ZNF415: variants seen among roughly 807,000 people sequenced by gnomAD.
The protein encoded by ZNF415 is zinc finger protein 415.
A neutral mutation model predicts 7.3 loss-of-function variants in ZNF415; 5 were observed. That is an observed-to-expected ratio of 0.69 (90% CI 0.36 to 1.44). ZNF415 has a LOEUF of 1.44. Among genes scored for constraint, ZNF415 ranks in the 40% most tolerant of loss-of-function variants. ZNF415 has a pLI of 0.04. For missense variants in ZNF415, 628 were observed against 664.8 expected, an observed-to-expected ratio of 0.94 and a Z score of 0.61; for synonymous variants, 207 against 226.3, an observed-to-expected ratio of 0.91 and a Z score of 0.77.
intron 1 of ZNF415, among the ~76,000 whole-genome samples, chr19:53,131,692 C>G (rs2090096454): frequency 6.6e-6 from 1 of 152,078 alleles, no homozygotes; most frequent in African/African-American, 2.4e-5. Context: ...TCTATTCTTT[C>G]TCTTCCACTT....
intron 2 of ZNF415, among the ~76,000 whole-genome samples, chr19:53,118,446 A>T (rs2087406862): frequency 6.6e-6 from 1 of 152,218 alleles, no homozygotes; most frequent in Admixed American, 6.5e-5. Flanking sequence ...GACTAAACAG[A>T]TCTAAGAGAT....
At chr19:53,120,234 A>G (rs994150974) in intron 2 of ZNF415, among the ~76,000 whole-genome samples, 3 of 152,234 alleles carry the variant, frequency 2.0e-5, no homozygotes, top group African/African-American at 7.2e-5. Context: ...ATCATTACAC[A>G]TTCTATGACA....
chr19:53,115,389 AC>A, intron 3 of ZNF415: 1 of 321,504 alleles, frequency 3.1e-6, no homozygotes, highest in Non-Finnish European at 5.8e-6. Flanking sequence ...GGAGAAGTAG[AC>A]CCTTGTGATG....
At chr19:53,116,088 G>T in intron 3 of ZNF415, 1 of 620,008 alleles carries the variant, frequency 1.6e-6, no homozygotes, top group Non-Finnish European at 2.8e-6. Flanking sequence ...AAGCTTTCAT[G>T]GATACTTCAG....
Position 53,108,305 on chromosome 19 carries a change from G to C in ZNF415, c.*72C>G. ...AAACCTTGCCACATTTATTATACTTGTATGGTTTCTCTCTGATATAAATTC... is the reference window on the plus strand; with the variant it reads ...AAACCTTGCCACATTTATTATACTTCTATGGTTTCTCTCTGATATAAATTC... On this transcript the variant is annotated 3_prime_UTR_variant, in exon 4 of 4. Coordinates refer to ENST00000243643, the MANE Select transcript of ZNF415 (RefSeq NM_018355.4). 1 of 1,416,194 alleles carries C rather than the reference G, an allele frequency of 7.1e-7. No homozygotes were observed. Among genetic ancestry groups the C allele is most frequent in the South Asian group, 1.4e-5 (1 of 72,000 alleles). The allele number at this position is 1,416,194 out of a possible 1,614,324, so 87.7% of individuals were successfully genotyped here. A position where few individuals can be genotyped will look rare whatever the true frequency, so the allele number is the denominator to read the frequency against.
intron 1 of ZNF415, among the ~76,000 whole-genome samples, chr19:53,131,091 T>A (rs12977077): frequency 0.035 from 2,724 of 77,234 alleles, 54 homozygotes; most frequent in East Asian, 0.13. Flanking sequence ...TTTTTTTTTT[T>A]AGCTCATCAG....
Position 53,116,443 on chromosome 19 carries a change from A to G in ZNF415, c.16-10T>C, listed in dbSNP as rs1476177766. 6.2e-7 allele frequency: 1 copy of G among 1,613,952 alleles called. No homozygotes were observed. The highest frequency in any genetic ancestry group is 1.3e-5 in the African/African-American group (1 of 74,912). On this transcript the variant is annotated splice_polypyrimidine_tract_variant and intron_variant, in intron 2 of 3. Transcript: ENST00000243643. ...CGTCCCTGAATGTCAACTGTCCGTA[A>G]AATAATAAACACATTTCACCAAGAG...
intron 1 of ZNF415, among the ~76,000 whole-genome samples, chr19:53,130,533 C>A (rs183647334): frequency 6.6e-6 from 1 of 152,054 alleles, no homozygotes; most frequent in East Asian, 1.9e-4. Context: ...TAATTATATA[C>A]AGAAAAATAG....
intron 3 of ZNF415, 183 bp downstream of exon 3, chr19:53,116,130 G>T (rs2086974353): frequency 1.4e-6 from 1 of 706,464 alleles, no homozygotes. Flanking sequence ...ATCATGAAGG[G>T]GTCAGAAAAT....
At chr19:53,128,705 T>C (rs1205074849) in intron 1 of ZNF415, among the ~76,000 whole-genome samples, 1 of 115,984 alleles carries the variant, frequency 8.6e-6, no homozygotes, top group African/African-American at 3.0e-5. Context: ...CAGTGAGGCC[T>C]TCTGCTCTTA....
chr19:53,115,707 T>C (rs1364475657), intron 3 of ZNF415: 1 of 1,550,306 alleles, frequency 6.5e-7, no homozygotes, highest in Admixed American at 2.0e-5. Flanking sequence ...GTCTTACCTG[T>C]TTTCACACCT....
At chr19:53,128,071 T>C (rs1279694795) in intron 1 of ZNF415, among the ~76,000 whole-genome samples, 2 of 152,242 alleles carry the variant, frequency 1.3e-5, no homozygotes, top group Non-Finnish European at 2.9e-5. Flanking sequence ...CCGGCTCATC[T>C]AGAGGCCCAC....
intron 1 of ZNF415, chr19:53,123,739 C>T (rs1568590224): frequency 2.5e-6 from 1 of 397,408 alleles, no homozygotes; most frequent in African/African-American, 2.1e-5. Flanking sequence ...GATGTATTTC[C>T]TCACCCATTT....
intron 1 of ZNF415, among the ~76,000 whole-genome samples, chr19:53,126,370 AAG>A (rs1286259294): frequency 6.7e-6 from 1 of 148,910 alleles, no homozygotes; most frequent in African/African-American, 2.5e-5. Context: ...CTGCAAAAAG[AAG>A]AGTTTGTCTC....
Position 53,109,856 on chromosome 19 carries a change from G to C in ZNF415, c.189C>G (p.Asn63Lys), listed in dbSNP as rs765786767. The change falls in exon 4 of 4, where the codon AAC (asparagine) becomes AAG (lysine). Residue 63 changes from asparagine (N) to lysine (K), a missense_variant. Transcript: ENST00000243643. ...TCACTGTGTGGAATACTTCTCCTGGGTTACCTTCCTGTTGTGGTGCTAGTT... is the reference window on the plus strand; with the variant it reads ...TCACTGTGTGGAATACTTCTCCTGGCTTACCTTCCTGTTGTGGTGCTAGTT... Reference protein sequence around the residue: ...IKELAPQQEGNPGEVFHTVTL... With the variant: ...IKELAPQQEGKPGEVFHTVTL... The C allele has an allele frequency of 1.9e-6, 3 of 1,610,900 alleles. No individual in the cohort carries two copies. Among genetic ancestry groups the C allele is most frequent in the Non-Finnish European group, 2.5e-6 (3 of 1,179,060 alleles).
At position 53,109,079 on chromosome 19, in the gene ZNF415, A is replaced by G; in HGVS notation, c.966T>C (p.His322=). Residue 322 remains histidine (H), a synonymous_variant, in exon 4 of 4, where the codon CAT becomes CAC. Transcript: ENST00000243643. ...NSCLALHQKT[H]IGEKPYTCKE... ...TACATGTGTAAGGTTTCTCTCCAATATGAGTTTTCTGATGTAGTGCAAGGC... is the reference window on the plus strand; with the variant it reads ...TACATGTGTAAGGTTTCTCTCCAATGTGAGTTTTCTGATGTAGTGCAAGGC... 1.2e-6 allele frequency: 2 copies of G among 1,612,384 alleles called. No homozygotes were observed. Among genetic ancestry groups the G allele is most frequent in the Non-Finnish European group, 1.7e-6 (2 of 1,178,634 alleles).
At chr19:53,129,792 T>C (rs144569308) in intron 1 of ZNF415, 226 of 392,174 alleles carry the variant, frequency 5.8e-4, no homozygotes, top group African/African-American at 4.2e-3. Context: ...TGGCCAGGCA[T>C]GTTGGCTCGT....
At chr19:53,114,277 T>C (rs1349427323) in intron 3 of ZNF415, among the ~76,000 whole-genome samples, 1 of 152,062 alleles carries the variant, frequency 6.6e-6, no homozygotes, top group Non-Finnish European at 1.5e-5. Flanking sequence ...CCTGGGGTCA[T>C]GTGATTCTCC....
intron 2 of ZNF415, among the ~76,000 whole-genome samples, chr19:53,121,077 C>CAAA (rs58307730): frequency 3.0e-4 from 12 of 40,352 alleles, no homozygotes; most frequent in African/African-American, 4.3e-4. Flanking sequence ...GAGGAAGACT[C>CAAA]AAAAAAAAAA....
Sources: allele counts gnomAD v4.1 joint callset (sites outside exome capture counted in the v4.1 genomes callset), GRCh38; gene constraint gnomAD v4.1.1; transcripts MANE v1.5; gene names NCBI Gene and HGNC (gene_info 2026-07-23, HGNC 2026-07-21).